CDKAL1: variants seen among roughly 807,000 people sequenced by gnomAD.
CDKAL1 encodes threonylcarbamoyladenosine tRNA methylthiotransferase.
A neutral mutation model predicts 68.2 loss-of-function variants in CDKAL1; 32 were observed. That is an observed-to-expected ratio of 0.47 (90% CI 0.35 to 0.63). CDKAL1 has a LOEUF of 0.63. Ranked by LOEUF, CDKAL1 falls within the 30% of genes least tolerant of loss-of-function variation. The probability of loss-of-function intolerance (pLI) is 0.00; values close to 1 mark genes in which losing one functional copy is unlikely to be tolerated. For missense variants in CDKAL1, 606 were observed against 696.7 expected, an observed-to-expected ratio of 0.87 and a Z score of 1.47; for synonymous variants, 234 against 244.3, an observed-to-expected ratio of 0.96 and a Z score of 0.39.
At chr6:20,590,346 T>C (rs1581777732) in intron 4 of CDKAL1, among the ~76,000 whole-genome samples, 1 of 152,182 alleles carries the variant, frequency 6.6e-6, no homozygotes, top group African/African-American at 2.4e-5. Flanking sequence ...TATTTTTTTG[T>C]TTTTATTTTT....
At chr6:20,625,174 T>C (rs531700973) in intron 4 of CDKAL1, among the ~76,000 whole-genome samples, 1 of 152,168 alleles carries the variant, frequency 6.6e-6, no homozygotes, top group African/African-American at 2.4e-5. Flanking sequence ...TTTCTAAGAG[T>C]ATTCCATAGA....
In CDKAL1 at chr6:20,768,835, C is replaced by T. The variant is rs371046985; in HGVS notation, c.517+10192C>T. Among the ~76,000 whole-genome samples, 48 of 152,156 alleles carry T rather than the reference C, an allele frequency of 3.2e-4. No homozygotes were observed. In the South Asian group the frequency reaches 9.8e-3, roughly 31 times the overall value. ...TTAATGTAGGTAACATTACCTAGAG[C>T]AGTGATTCTCAAGAATGTTTGCTGG... On this transcript the variant is annotated intron_variant, in intron 7 of 15. Coordinates refer to ENST00000274695, the MANE Select transcript of CDKAL1 (RefSeq NM_017774.3).
rs79933332 is a variant in CDKAL1 at position 20,642,899 on chromosome 6, A to AAACAAC, written c.287-6353_287-6348dup. ...GGGCGACACAGTGAGACTTTGTCTC[A>AAACAAC]AACAACAACAACAACAACAACAACA... On this transcript the variant is annotated intron_variant, in intron 4 of 15. Coordinates refer to ENST00000274695, the MANE Select transcript of CDKAL1 (RefSeq NM_017774.3). Among the ~76,000 whole-genome samples the AAACAAC allele has an allele frequency of 2.6e-3, 388 of 150,426 alleles. 1 individual carries two copies. The highest frequency in any genetic ancestry group is 6.1e-3 in the African/African-American group (247 of 40,756).
chr6:21,160,650 C>T (rs1463563164), intron 13 of CDKAL1, among the ~76,000 whole-genome samples: 2 of 115,610 alleles, frequency 1.7e-5, no homozygotes, highest in Admixed American at 8.4e-5. Flanking sequence ...CACACACACA[C>T]ACACACGTGT....
At chr6:20,609,914 A>G (rs1196076617) in intron 4 of CDKAL1, among the ~76,000 whole-genome samples, 4 of 151,912 alleles carry the variant, frequency 2.6e-5, no homozygotes, top group Non-Finnish European at 5.9e-5. Context: ...ATTTTTCCTG[A>G]TCGTCTCCCT....
chr6:20,891,453 G>T (rs954055308), intron 9 of CDKAL1, among the ~76,000 whole-genome samples: 1 of 152,038 alleles, frequency 6.6e-6, no homozygotes, highest in South Asian at 2.1e-4. Context: ...AACAGACGCC[G>T]GGTGGCCTGT....
At chr6:21,173,828 G>A (rs988138042) in intron 13 of CDKAL1, among the ~76,000 whole-genome samples, 2 of 152,176 alleles carry the variant, frequency 1.3e-5, no homozygotes, top group Non-Finnish European at 2.9e-5. Context: ...CCAACACTTT[G>A]GGAGGCTGAG....
At chr6:20,778,212 TAATATAGCTA>T (rs1775258644) in intron 7 of CDKAL1, among the ~76,000 whole-genome samples, 2 of 152,156 alleles carry the variant, frequency 1.3e-5, no homozygotes, top group Admixed American at 6.5e-5. Flanking sequence ...TCTGTGCCCT[TAATATAGCTA>T]AAGAGTTCTT....
At chr6:21,150,463 T>C (rs1232832970) in intron 13 of CDKAL1, among the ~76,000 whole-genome samples, 1 of 152,180 alleles carries the variant, frequency 6.6e-6, no homozygotes, top group African/African-American at 2.4e-5. Context: ...TTTGTTGTAA[T>C]GAAATTTTCC....
intron 5 of CDKAL1, among the ~76,000 whole-genome samples, chr6:20,676,665 T>TTTAAA (rs1235184958): frequency 7.5e-6 from 1 of 132,864 alleles, no homozygotes; most frequent in South Asian, 2.3e-4. Flanking sequence ...AGACTCTGTC[T>TTTAAA]TAAATAAATA....
intron 5 of CDKAL1, among the ~76,000 whole-genome samples, chr6:20,669,305 T>C (rs1450704661): frequency 6.6e-6 from 1 of 152,220 alleles, no homozygotes; most frequent in Non-Finnish European, 1.5e-5. Flanking sequence ...ACTTATTAAT[T>C]TGAATTTTTG....
At chr6:20,542,363 G>GA (rs1296279542) in intron 2 of CDKAL1, among the ~76,000 whole-genome samples, 1 of 152,170 alleles carries the variant, frequency 6.6e-6, no homozygotes, top group African/African-American at 2.4e-5. Flanking sequence ...CGTGGGCTTG[G>GA]ACTCATCTGT....
At chr6:21,076,628 G>GA (rs1442589281) in intron 12 of CDKAL1, among the ~76,000 whole-genome samples, 1 of 152,082 alleles carries the variant, frequency 6.6e-6, no homozygotes, top group Non-Finnish European at 1.5e-5. Context: ...GGAGGAAAGA[G>GA]AAAAAATATT....
chr6:20,700,330 G>T (rs1771286607), intron 5 of CDKAL1, among the ~76,000 whole-genome samples: 1 of 150,300 alleles, frequency 6.7e-6, no homozygotes, highest in South Asian at 2.1e-4. Flanking sequence ...ACTCCAGCCT[G>T]GGCAACAAGA....
At chr6:20,779,024 T>C (rs564023390) in intron 7 of CDKAL1, among the ~76,000 whole-genome samples, 26 of 152,342 alleles carry the variant, frequency 1.7e-4, no homozygotes, top group African/African-American at 5.8e-4. Context: ...ATTTGGCTGA[T>C]AATCACATGA....
intron 5 of CDKAL1, among the ~76,000 whole-genome samples, chr6:20,735,977 G>T (rs537253577): frequency 6.6e-6 from 1 of 152,256 alleles, no homozygotes; most frequent in Admixed American, 6.5e-5. Flanking sequence ...CTATCACTTT[G>T]AAATCTATCC....
At chr6:20,768,197 T>G (rs1211247442) in intron 7 of CDKAL1, among the ~76,000 whole-genome samples, 2 of 152,188 alleles carry the variant, frequency 1.3e-5, no homozygotes, top group Non-Finnish European at 2.9e-5. Flanking sequence ...TATGAAGAGC[T>G]GTGTGCAAAT....
intron 5 of CDKAL1, among the ~76,000 whole-genome samples, chr6:20,649,933 G>A (rs920921318): frequency 7.2e-5 from 11 of 152,184 alleles, no homozygotes; most frequent in Non-Finnish European, 8.8e-5. Flanking sequence ...ATTCCATGGT[G>A]TATATGCACC....
At chr6:21,030,710 G>A (rs747177932) in intron 11 of CDKAL1, among the ~76,000 whole-genome samples, 2 of 152,092 alleles carry the variant, frequency 1.3e-5, no homozygotes, top group Non-Finnish European at 2.9e-5. Flanking sequence ...ATGTCATGAT[G>A]AATTTTATTT....
Sources: allele counts gnomAD v4.1 joint callset (sites outside exome capture counted in the v4.1 genomes callset), GRCh38; gene constraint gnomAD v4.1.1; transcripts MANE v1.5; gene names NCBI Gene and HGNC (gene_info 2026-07-23, HGNC 2026-07-21).